OPA3: variants seen among roughly 807,000 people sequenced by gnomAD.
The protein encoded by OPA3 is optic atrophy 3 protein.
Under a neutral mutation model 4.0 loss-of-function variants are expected in OPA3, and 6 were observed. That is an observed-to-expected ratio of 1.51 (90% CI 0.83 to 2.99). The LOEUF (loss-of-function observed/expected upper bound fraction) is 2.99. Among genes scored for constraint, OPA3 ranks in the 30% most tolerant of loss-of-function variants. OPA3 has a pLI of 0.00. For missense variants in OPA3, 235 were observed against 256.2 expected (o/e 0.92, Z 0.56); for synonymous variants, 105 against 117.1 (o/e 0.90, Z 0.67).
intron 1 of OPA3, among the ~76,000 whole-genome samples, chr19:45,561,810 AGG>A (rs1259380444): frequency 3.3e-5 from 5 of 151,750 alleles, no homozygotes; most frequent in African/African-American, 1.2e-4. Context: ...GCGTGGTGGC[AGG>A]CATCTGTAAT....
chr19:45,533,031 A>G (rs1323311119), intron 1 of OPA3, among the ~76,000 whole-genome samples: 1 of 147,462 alleles, frequency 6.8e-6, no homozygotes, highest in African/African-American at 2.5e-5. Context: ...AGCTGGGATT[A>G]CAGGCATGCA....
downstream of OPA3, among the ~76,000 whole-genome samples, chr19:45,544,054 A>C (rs79933504): frequency 0.029 from 4,478 of 152,286 alleles, 203 homozygotes; most frequent in African/African-American, 0.1. Flanking sequence ...CACTTTCATA[A>C]TAAACTTACA....
At chr19:45,537,408 A>AAAAAAAAAAAAAAAC in intron 1 of OPA3, among the ~76,000 whole-genome samples, 2 of 143,558 alleles carry the variant, frequency 1.4e-5, no homozygotes, top group African/African-American at 5.4e-5. Context: ...AAAAAAAAAA[A>AAAAAAAAAAAAAAAC]AAAAAAAAAA....
intron 1 of OPA3, among the ~76,000 whole-genome samples, chr19:45,554,322 A>AG (rs1259712276): frequency 1.3e-5 from 2 of 152,132 alleles, no homozygotes; most frequent in South Asian, 4.2e-4. Flanking sequence ...GATGGGGGAG[A>AG]GGGGGGCTCC....
intron 1 of OPA3, among the ~76,000 whole-genome samples, chr19:45,538,126 GAAA>G (rs35522061): frequency 7.6e-5 from 9 of 117,924 alleles, no homozygotes; most frequent in Admixed American, 2.0e-4. Flanking sequence ...AATGCCACCT[GAAA>G]AAAAAAAAAA....
intron 1 of OPA3, among the ~76,000 whole-genome samples, chr19:45,573,731 T>C (rs1969723048): frequency 6.6e-6 from 1 of 152,134 alleles, no homozygotes; most frequent in Non-Finnish European, 1.5e-5. Context: ...ATCAGAACTA[T>C]GAGGTTAAGT....
At chr19:45,531,321 T>C (rs1466885682) in intron 1 of OPA3, among the ~76,000 whole-genome samples, 2 of 152,234 alleles carry the variant, frequency 1.3e-5, no homozygotes, top group East Asian at 3.8e-4. Flanking sequence ...TTCATTTTCT[T>C]TTATTTCAAC....
intron 1 of OPA3, among the ~76,000 whole-genome samples, chr19:45,554,888 T>C (rs751301715): frequency 9.2e-5 from 14 of 152,182 alleles, no homozygotes; most frequent in Non-Finnish European, 1.9e-4. Flanking sequence ...CCTCCCAGGT[T>C]CAAGCAATTC....
intron 1 of OPA3, among the ~76,000 whole-genome samples, chr19:45,567,437 A>G (rs1599983650): frequency 6.6e-6 from 1 of 152,042 alleles, no homozygotes; most frequent in East Asian, 1.9e-4. Context: ...CTAAACATAA[A>G]TTTCATAGTG....
intron 1 of OPA3, among the ~76,000 whole-genome samples, chr19:45,575,461 T>G (rs1321166493): frequency 6.6e-6 from 1 of 151,984 alleles, no homozygotes; most frequent in Admixed American, 6.6e-5. Flanking sequence ...TGAAACCAAG[T>G]CCATGGCCTA....
rs1201179837 is a variant in OPA3, at chr19:45,552,017, G to A, written c.*1497C>T. 2 of 985,458 alleles carry A rather than the reference G, an allele frequency of 2.0e-6. No homozygotes were observed. Among genetic ancestry groups the A allele is most frequent in the Non-Finnish European group, 2.4e-6 (2 of 830,116 alleles). The allele number at this position is 985,458 out of a possible 1,614,324, so 61.0% of individuals were successfully genotyped here. On this transcript the variant is annotated 3_prime_UTR_variant, in exon 2 of 2. Coordinates refer to ENST00000263275, the MANE Select transcript of OPA3 (RefSeq NM_025136.4). ...GGGGGCTGAGGCTGAAGGACAGGCTGGATTAGCCCTAGTTAGGATCAAATT... is the reference window on the plus strand; with the variant it reads ...GGGGGCTGAGGCTGAAGGACAGGCTAGATTAGCCCTAGTTAGGATCAAATT...
At chr19:45,569,815 C>T (rs2122486616) in intron 1 of OPA3, among the ~76,000 whole-genome samples, 1 of 152,278 alleles carries the variant, frequency 6.6e-6, no homozygotes, top group Middle Eastern at 3.4e-3. Flanking sequence ...GCCATGAGGA[C>T]TGCCTGAGCA....
chr19:45,556,903 C>G (rs373537893), intron 1 of OPA3, among the ~76,000 whole-genome samples: 1 of 152,210 alleles, frequency 6.6e-6, no homozygotes, highest in South Asian at 2.1e-4. Context: ...GGGGTCCCCC[C>G]GGGGCTCCGC....
At chr19:45,539,644 C>T (rs1159002193) in intron 1 of OPA3, among the ~76,000 whole-genome samples, 3 of 150,298 alleles carry the variant, frequency 2.0e-5, no homozygotes, top group Admixed American at 1.3e-4. Context: ...CCGGGCGTGG[C>T]GGTGCATGTC....
intron 1 of OPA3, among the ~76,000 whole-genome samples, chr19:45,576,543 C>CA (rs1383877575): frequency 6.0e-5 from 5 of 82,670 alleles, no homozygotes; most frequent in African/African-American, 2.9e-4. Context: ...CATCCCCCCC[C>CA]CCCCAAAAAA....
chr19:45,558,358 A>T (rs1813158846), intron 1 of OPA3, among the ~76,000 whole-genome samples: 2 of 151,890 alleles, frequency 1.3e-5, no homozygotes, highest in Non-Finnish European at 2.9e-5. Flanking sequence ...GAACAAACCT[A>T]CCATTCCCCG....
At position 45,584,720 on chromosome 19, in the gene OPA3, G is replaced by T; in HGVS notation, c.45C>A (p.Gly15=). Residue 15 remains glycine, a synonymous_variant, in exon 1 of 2, where the codon GGC becomes GGA. Transcript: ENST00000263275. ...AFPMAKLLYL[G]IRQVSKPLAN... ...CAAGCGGCTTGCTGACCTGCCGGAT[G>T]CCCAAGTATAGCAGCTTCGCCATAG... The T allele has an allele frequency of 1.2e-6, 2 of 1,614,156 alleles. No individual in the cohort carries two copies. Among genetic ancestry groups the T allele is most frequent in the South Asian group, 1.1e-5 (1 of 91,084 alleles).
rs537909488 is a variant in OPA3, at chr19:45,580,159, G to A, written c.142+4464C>T. 2.8e-4 allele frequency among the ~76,000 whole-genome samples: 42 copies of A among 151,358 alleles called. 1 individual carries two copies. The East Asian group carries it at 7.2e-3, about 26-fold the overall frequency. On this transcript the variant is annotated intron_variant, in intron 1 of 1. Transcript: ENST00000263275. ...TTACAGGCGCGTGCCACCACGCCCA[G>A]CTAATTTTTGTATTTTTAGTAGAGA...
At chr19:45,582,253 G>A (rs914514445) in intron 1 of OPA3, among the ~76,000 whole-genome samples, 5 of 151,330 alleles carry the variant, frequency 3.3e-5, no homozygotes, top group Admixed American at 3.3e-4. Flanking sequence ...CTCCATCCCC[G>A]GGTTCAAGCG....
Sources: gnomAD v4.1 joint callset for allele counts (sites outside exome capture counted in the v4.1 genomes callset) on GRCh38, gnomAD v4.1.1 for gene constraint, MANE v1.5 for transcripts, NCBI Gene and HGNC (gene_info 2026-07-23, HGNC 2026-07-21) for gene names.